The following LRRC7 variants were observed in gnomAD, a reference collection of about 807,000 sequenced individuals.
LRRC7 encodes the protein leucine rich repeat containing 7, also known as leucine-rich repeat-containing protein 7.
LRRC7 carries 23 observed loss-of-function variants against 175.7 expected under a neutral mutation model. That is an observed-to-expected ratio of 0.13 (90% CI 0.09 to 0.19). LRRC7 has a LOEUF of 0.19. Ranked by LOEUF, LRRC7 falls within the 10% of genes least tolerant of loss-of-function variation. The pLI, the probability that LRRC7 is intolerant of heterozygous loss-of-function variation, is 1.00. For synonymous variants in LRRC7, 685 were observed against 680.9 expected, an observed-to-expected ratio of 1.01 and a Z score of -0.09; for missense variants, 1,354 against 1,904.7, an observed-to-expected ratio of 0.71 and a Z score of 5.38.
intron 7 of LRRC7, among the ~76,000 whole-genome samples, chr1:69,921,907 T>C (rs756768734): frequency 2.0e-5 from 3 of 151,854 alleles, no homozygotes; most frequent in African/African-American, 4.8e-5. Flanking sequence ...TTCTTATCAA[T>C]TCTTACATTC....
chr1:70,035,133 T>C (rs1659169946), intron 18 of LRRC7, among the ~76,000 whole-genome samples: 1 of 152,144 alleles, frequency 6.6e-6, no homozygotes, highest in African/African-American at 2.4e-5. Flanking sequence ...AAGATACTAA[T>C]GAATTAAAAA....
intron 9 of LRRC7, among the ~76,000 whole-genome samples, chr1:69,984,054 T>C (rs771844628): frequency 6.6e-6 from 1 of 152,038 alleles, no homozygotes; most frequent in Non-Finnish European, 1.5e-5. Context: ...GCCTCCTGAG[T>C]AGCTGGTATT....
intron 22 of LRRC7, 47 bp from the exon 23 acceptor site, chr1:70,052,979 A>G: frequency 6.7e-7 from 1 of 1,502,940 alleles, no homozygotes; most frequent in Non-Finnish European, 8.9e-7. Context: ...AAACTATGGT[A>G]AACTTCTACT....
At chr1:69,748,108 A>C (rs1669450629) in intron 2 of LRRC7, among the ~76,000 whole-genome samples, 1 of 152,120 alleles carries the variant, frequency 6.6e-6, no homozygotes, top group South Asian at 2.1e-4. Context: ...ATCACAACAA[A>C]ACCCTGGTTA....
At chr1:69,926,921 G>T (rs1647095190) in intron 7 of LRRC7, among the ~76,000 whole-genome samples, 3 of 152,262 alleles carry the variant, frequency 2.0e-5, no homozygotes, top group South Asian at 4.1e-4. Context: ...TTTACATTTT[G>T]GCATGATTTT....
Position 70,036,159 on chromosome 1 carries a change from G to C in LRRC7, c.2034G>C (p.Gly678=), listed in dbSNP as rs760402964. ...ATCCAGCTAATGAAATGAGGATTGG[G>C]GAACTTCACCCTTCATTAGCTGAGA... ...FVHPANEMRI[G]ELHPSLAETP... Residue 678 remains glycine (G), a synonymous_variant, in exon 19 of 27, where the codon GGG becomes GGC. Transcript: ENST00000651989. 6.2e-7 allele frequency: 1 copy of C among 1,613,106 alleles called. No individual in the cohort carries two copies. The highest frequency in any genetic ancestry group is 2.2e-5 in the East Asian group (1 of 44,830).
intron 2 of LRRC7, among the ~76,000 whole-genome samples, chr1:69,680,125 C>T (rs565898802): frequency 6.6e-6 from 1 of 152,124 alleles, no homozygotes; most frequent in Admixed American, 6.6e-5. Flanking sequence ...GCAGCAGCAG[C>T]AGCAGCATCT....
At chr1:69,773,781 C>T (rs1011724708) in intron 3 of LRRC7, among the ~76,000 whole-genome samples, 1 of 152,088 alleles carries the variant, frequency 6.6e-6, no homozygotes, top group African/African-American at 2.4e-5. Context: ...ACAACCCTGC[C>T]CAATAGGTTT....
chr1:69,934,232 G>T (rs1647711961), intron 8 of LRRC7, among the ~76,000 whole-genome samples: 1 of 152,036 alleles, frequency 6.6e-6, no homozygotes, highest in South Asian at 2.1e-4. Context: ...ATTTATTTTT[G>T]CATGACATGG....
In LRRC7 at chr1:69,853,270, C is replaced by CTTTTTT. The variant is rs1163071175; in HGVS notation, c.647+15008_647+15013dup. Among the ~76,000 whole-genome samples the CTTTTTT allele has an allele frequency of 4.0e-4, 35 of 88,026 alleles. 1 individual carries two copies. The highest frequency in any genetic ancestry group is 1.3e-3 in the African/African-American group (28 of 22,374). 57.7% of individuals were successfully genotyped at this position (88,026 alleles called of 152,430 possible). A position where few individuals can be genotyped will look rare whatever the true frequency, so the allele number is the denominator to read the frequency against. ...ATTTGTTTCTCTTTTTCCTTTCTTT[C>CTTTTTT]TTTTTTTTTTTTTTTTTTTTTTTTT... is the stretch of plus-strand genomic sequence containing the variant. On this transcript the variant is annotated intron_variant, in intron 7 of 26. Transcript: ENST00000651989.
intron 8 of LRRC7, among the ~76,000 whole-genome samples, chr1:69,971,062 T>C (rs532995104): frequency 2.0e-5 from 3 of 152,230 alleles, no homozygotes; most frequent in African/African-American, 7.2e-5. Context: ...GAAAAAGCAT[T>C]TAACAAAATC....
intron 24 of LRRC7, among the ~76,000 whole-genome samples, chr1:70,089,441 C>CT (rs140328789): frequency 0.033 from 5,041 of 152,180 alleles, 131 homozygotes; most frequent in Admixed American, 0.086. Flanking sequence ...AGACTTTTAA[C>CT]TTTTAAAAAT....
intron 1 of LRRC7, among the ~76,000 whole-genome samples, chr1:69,663,844 C>T (rs1264265879): frequency 6.6e-6 from 1 of 151,054 alleles, no homozygotes; most frequent in Non-Finnish European, 1.5e-5. Flanking sequence ...GCCTCAGCCT[C>T]CCGAGTAGCT....
At chr1:69,649,536 G>T (rs1025637622) in intron 1 of LRRC7, among the ~76,000 whole-genome samples, 4 of 152,122 alleles carry the variant, frequency 2.6e-5, no homozygotes, top group African/African-American at 9.7e-5. Flanking sequence ...AATATTCTGG[G>T]ATTGCTTTAG....
intron 21 of LRRC7, 91 bp from the exon 22 acceptor site, chr1:70,043,858 AAAGTT>A: frequency 7.1e-7 from 1 of 1,415,424 alleles, no homozygotes; most frequent in Non-Finnish European, 9.5e-7. Flanking sequence ...TTGCCTGCCT[AAAGTT>A]AAATGTTATA....
At chr1:69,827,838 C>CA (rs924404078) in intron 5 of LRRC7, among the ~76,000 whole-genome samples, 4 of 151,568 alleles carry the variant, frequency 2.6e-5, no homozygotes, top group African/African-American at 7.3e-5. Context: ...GACCCTGTCT[C>CA]AAAAAAATAA....
At chr1:69,762,393 G>A (rs548710860) in intron 3 of LRRC7, among the ~76,000 whole-genome samples, 19 of 152,086 alleles carry the variant, frequency 1.2e-4, no homozygotes, top group African/African-American at 1.4e-4. Flanking sequence ...GCAAGTGCTC[G>A]GTGATGTATA....
chr1:69,645,516 G>C (rs1350082744), intron 1 of LRRC7, among the ~76,000 whole-genome samples: 2 of 151,586 alleles, frequency 1.3e-5, no homozygotes, highest in Non-Finnish European at 2.9e-5. Flanking sequence ...TTCCCTTTTT[G>C]TTCAATTCTC....
At chr1:69,710,545 T>C (rs1453116589) in intron 2 of LRRC7, among the ~76,000 whole-genome samples, 1 of 152,180 alleles carries the variant, frequency 6.6e-6, no homozygotes, top group Non-Finnish European at 1.5e-5. Context: ...TCATTTTCTG[T>C]CTTTTTCTTA....
Sources: gnomAD v4.1 joint callset for allele counts (sites outside exome capture counted in the v4.1 genomes callset) on GRCh38, gnomAD v4.1.1 for gene constraint, MANE v1.5 for transcripts, NCBI Gene and HGNC (gene_info 2026-07-23, HGNC 2026-07-21) for gene names.